The following OPCML variants were observed in gnomAD, a reference collection of about 807,000 sequenced individuals.
The protein encoded by OPCML is opioid-binding protein/cell adhesion molecule.
In OPCML, 13 loss-of-function variants were observed where a neutral mutation model predicts 37.8. The observed-to-expected ratio is 0.34, with a 90% CI of 0.22 to 0.55. OPCML has a LOEUF of 0.55. Among genes scored for constraint, OPCML ranks in the 20% least tolerant of loss-of-function variants. The pLI, the probability that OPCML is intolerant of heterozygous loss-of-function variation, is 0.91. For synonymous variants in OPCML, 176 were observed against 168.8 expected (o/e 1.04, Z -0.33); for missense variants, 341 against 435.6 (o/e 0.78, Z 1.93).
intron 1 of OPCML, among the ~76,000 whole-genome samples, chr11:133,406,571 C>T (rs374139130): frequency 2.0e-5 from 3 of 152,148 alleles, no homozygotes; most frequent in Non-Finnish European, 4.4e-5. Flanking sequence ...CCCTGGGTTG[C>T]CCATTGGATA....
intron 1 of OPCML, among the ~76,000 whole-genome samples, chr11:133,135,138 A>G (rs887867235): frequency 8.5e-5 from 13 of 152,160 alleles, no homozygotes; most frequent in Admixed American, 3.9e-4. Context: ...CTGGCACTCC[A>G]GTTTGGTTAA....
chr11:132,688,167 GGT>G (rs1491514153), intron 2 of OPCML, among the ~76,000 whole-genome samples: 1 of 149,952 alleles, frequency 6.7e-6, no homozygotes, highest in African/African-American at 2.5e-5. Flanking sequence ...TAGGAATCAT[GGT>G]TTTTTTTTTT....
rs142726886 is a variant in OPCML at position 133,434,153 on chromosome 11, T to A, written c.61+98111A>T. 1.9e-3 allele frequency among the ~76,000 whole-genome samples: 293 copies of A among 152,320 alleles called. 2 individuals are homozygous for A. The highest frequency in any genetic ancestry group is 6.8e-3 in the African/African-American group (283 of 41,574). On this transcript the variant is annotated intron_variant, in intron 1 of 7. Transcript: ENST00000524381. Reference sequence around the variant, plus strand: ...ATTTTTACATTGAGGAGAAATTACCTTTATAGTTAGGTGGGATTACACTAT... The same window carrying A: ...ATTTTTACATTGAGGAGAAATTACCATTATAGTTAGGTGGGATTACACTAT...
Position 132,902,462 on chromosome 11 carries a change from C to T in OPCML, c.146+40464G>A, listed in dbSNP as rs57377914. Among the ~76,000 whole-genome samples the T allele has an allele frequency of 1.5e-3, 226 of 152,272 alleles. 1 individual carries two copies. Among genetic ancestry groups the T allele is most frequent in the African/African-American group, 5.1e-3 (213 of 41,542 alleles). On this transcript the variant is annotated intron_variant, in intron 2 of 7. Coordinates refer to ENST00000524381, the MANE Select transcript of OPCML (RefSeq NM_001012393.5). ...TTTCTGTGACTTGGCTGTTGAGCGG[C>T]CTGCAGTGCACATTGCCCCAACCAA...
intron 2 of OPCML, among the ~76,000 whole-genome samples, chr11:132,712,587 C>A (rs1056246138): frequency 2.6e-5 from 4 of 152,212 alleles, no homozygotes; most frequent in African/African-American, 9.6e-5. Context: ...TAAGAAGACG[C>A]AGTGCCGGCT....
intron 1 of OPCML, among the ~76,000 whole-genome samples, chr11:133,479,025 AT>A (rs1228766606): frequency 6.6e-6 from 1 of 152,062 alleles, no homozygotes; most frequent in Middle Eastern, 3.2e-3. Context: ...CTTTTTTTGT[AT>A]CTGTATAATG....
intron 1 of OPCML, among the ~76,000 whole-genome samples, chr11:133,127,175 T>C (rs1949530212): frequency 1.3e-5 from 2 of 152,208 alleles, no homozygotes; most frequent in Non-Finnish European, 2.9e-5. Context: ...TGCCATGTCC[T>C]GCAGTGGATA....
At chr11:132,432,450 A>C (rs575815423) in intron 7 of OPCML, among the ~76,000 whole-genome samples, 15 of 152,242 alleles carry the variant, frequency 9.9e-5, no homozygotes, top group African/African-American at 3.4e-4. Context: ...CAGAAACCAA[A>C]CATCTTATCC....
chr11:133,057,737 C>T (rs1284687187), intron 1 of OPCML, among the ~76,000 whole-genome samples: 1 of 152,274 alleles, frequency 6.6e-6, no homozygotes, highest in African/African-American at 2.4e-5. Flanking sequence ...TGTCATCGTC[C>T]CTTCATTGCA....
chr11:133,232,460 G>A (rs1940321490), intron 1 of OPCML, among the ~76,000 whole-genome samples: 1 of 152,132 alleles, frequency 6.6e-6, no homozygotes, highest in Admixed American at 6.5e-5. Flanking sequence ...GAAACAATGT[G>A]CAAAGTGTGA....
intron 1 of OPCML, among the ~76,000 whole-genome samples, chr11:132,962,999 T>G (rs1946126322): frequency 6.6e-6 from 1 of 152,104 alleles, no homozygotes; most frequent in Admixed American, 6.5e-5. Flanking sequence ...GAGGAATCTC[T>G]GAATGGGGAC....
At chr11:133,231,478 T>G (rs1204367638) in intron 1 of OPCML, among the ~76,000 whole-genome samples, 1 of 152,204 alleles carries the variant, frequency 6.6e-6, no homozygotes, top group Non-Finnish European at 1.5e-5. Flanking sequence ...CACGTCTTGT[T>G]GGAAAAACAT....
intron 3 of OPCML, among the ~76,000 whole-genome samples, chr11:132,530,789 T>C (rs2508970): frequency 0.41 from 62,836 of 151,966 alleles, 15,107 homozygotes; most frequent in Non-Finnish European, 0.55. Context: ...TCTAACACAG[T>C]ACATGGCACA....
At chr11:132,480,520 A>G (rs1162121719) in intron 4 of OPCML, among the ~76,000 whole-genome samples, 2 of 152,292 alleles carry the variant, frequency 1.3e-5, no homozygotes, top group East Asian at 3.9e-4. Flanking sequence ...TACAGAGAAC[A>G]CCACAAAGAT....
At chr11:132,822,443 G>C (rs1940053545) in intron 2 of OPCML, among the ~76,000 whole-genome samples, 1 of 152,174 alleles carries the variant, frequency 6.6e-6, no homozygotes, top group Non-Finnish European at 1.5e-5. Context: ...GCGGTGAATG[G>C]ATTACAAGGA....
chr11:133,442,360 A>T (rs367552950), intron 1 of OPCML, among the ~76,000 whole-genome samples: 3 of 152,190 alleles, frequency 2.0e-5, no homozygotes, highest in Non-Finnish European at 4.4e-5. Flanking sequence ...ATAAATTGAT[A>T]GTCTTTTTAG....
At chr11:132,989,054 G>A (rs1946728679) in intron 1 of OPCML, among the ~76,000 whole-genome samples, 1 of 152,220 alleles carries the variant, frequency 6.6e-6, no homozygotes, top group South Asian at 2.1e-4. Context: ...TGGAGAAGCT[G>A]CGAATGTTCA....
intron 2 of OPCML, among the ~76,000 whole-genome samples, chr11:132,672,529 C>G (rs1320386509): frequency 6.6e-6 from 1 of 152,170 alleles, no homozygotes; most frequent in Non-Finnish European, 1.5e-5. Context: ...TCCTTGCTCT[C>G]TGTGTGTGGC....
chr11:132,752,851 T>A (rs1365194387), intron 2 of OPCML, among the ~76,000 whole-genome samples: 1 of 152,016 alleles, frequency 6.6e-6, no homozygotes, highest in African/African-American at 2.4e-5. Flanking sequence ...GAATTTTAGG[T>A]CTCTCAGTTG....
Sources: allele counts gnomAD v4.1 joint callset (sites outside exome capture counted in the v4.1 genomes callset), GRCh38; gene constraint gnomAD v4.1.1; transcripts MANE v1.5; gene names NCBI Gene and HGNC (gene_info 2026-07-23, HGNC 2026-07-21).